Variants in EGFR observed in about 807,000 individuals in gnomAD.
The protein encoded by EGFR is avian erythroblastic leukemia viral (v-erb-b) oncogene homolog.
EGFR carries 58 observed loss-of-function variants against 143.0 expected under a neutral mutation model. That is an observed-to-expected ratio of 0.41 (90% CI 0.33 to 0.50). The LOEUF (loss-of-function observed/expected upper bound fraction) is 0.50. Ranked by LOEUF, EGFR falls within the 20% of genes least tolerant of loss-of-function variation. The pLI, the probability that EGFR is intolerant of heterozygous loss-of-function variation, is 0.39. For missense variants in EGFR, 1,307 were observed against 1,579.0 expected, an observed-to-expected ratio of 0.83 and a Z score of 2.92; for synonymous variants, 613 against 594.4, an observed-to-expected ratio of 1.03 and a Z score of -0.45.
At chr7:55,023,895 G>A (rs1786729354) in intron 1 of EGFR, among the ~76,000 whole-genome samples, 1 of 152,092 alleles carries the variant, frequency 6.6e-6, no homozygotes, top group African/African-American at 2.4e-5. Flanking sequence ...TCCTCCTACA[G>A]GAATGAATTT....
intron 1 of EGFR, among the ~76,000 whole-genome samples, chr7:55,140,496 CAT>C (rs1794399700): frequency 6.6e-6 from 1 of 152,194 alleles, no homozygotes; most frequent in Non-Finnish European, 1.5e-5. Flanking sequence ...CGAAAGGCCA[CAT>C]GTTATTGTCA....
At chr7:55,187,875 A>G (rs1408111078) in intron 20 of EGFR, among the ~76,000 whole-genome samples, 1 of 152,082 alleles carries the variant, frequency 6.6e-6, no homozygotes, top group African/African-American at 2.4e-5. Flanking sequence ...GAACACCATC[A>G]TTTGTACAGG....
chr7:55,188,642 T>C (rs1383371291), intron 20 of EGFR, among the ~76,000 whole-genome samples: 1 of 152,212 alleles, frequency 6.6e-6, no homozygotes, highest in Non-Finnish European at 1.5e-5. Context: ...TATTTCTTCC[T>C]GCGACCTCTG....
intron 1 of EGFR, among the ~76,000 whole-genome samples, chr7:55,026,638 C>T (rs57620875): frequency 0.028 from 4,212 of 152,204 alleles, 102 homozygotes; most frequent in African/African-American, 0.062. Flanking sequence ...TCGGGATAAC[C>T]TCTCTCTGGC....
intron 12 of EGFR, among the ~76,000 whole-genome samples, chr7:55,160,920 T>G (rs1256773297): frequency 6.6e-6 from 1 of 152,210 alleles, no homozygotes; most frequent in Non-Finnish European, 1.5e-5. Context: ...GCCGTAGTGC[T>G]TTGAGAGAAT....
At chr7:55,102,968 C>G (rs112086504) in intron 1 of EGFR, among the ~76,000 whole-genome samples, 6 of 152,178 alleles carry the variant, frequency 3.9e-5, no homozygotes, top group Non-Finnish European at 8.8e-5. Context: ...AAGAAGGCCA[C>G]GTGCTTTGAC....
At chr7:55,103,385 A>G (rs1791933457) in intron 1 of EGFR, among the ~76,000 whole-genome samples, 3 of 152,254 alleles carry the variant, frequency 2.0e-5, no homozygotes, top group African/African-American at 4.8e-5. Flanking sequence ...GTCTCATTGC[A>G]GAAGTGCATA....
chr7:55,069,338 C>T (rs958993339), intron 1 of EGFR, among the ~76,000 whole-genome samples: 1 of 152,160 alleles, frequency 6.6e-6, no homozygotes, highest in African/African-American at 2.4e-5. Context: ...TACTTTTTAG[C>T]TCGTGTGGTG....
intron 1 of EGFR, among the ~76,000 whole-genome samples, chr7:55,107,738 TA>T (rs1417413769): frequency 2.6e-5 from 4 of 152,250 alleles, no homozygotes; most frequent in Non-Finnish European, 5.9e-5. Context: ...ATTGGAAGAT[TA>T]TTTTTTGCAC....
chr7:55,026,298 C>A (rs547330425), intron 1 of EGFR, among the ~76,000 whole-genome samples: 23 of 152,278 alleles, frequency 1.5e-4, no homozygotes, highest in African/African-American at 5.3e-4. Context: ...AAATCAGTTC[C>A]AGAGTCACAT....
chr7:55,199,037 C>A (rs1039142821), intron 23 of EGFR, among the ~76,000 whole-genome samples, 174 bp downstream of exon 23: 6 of 152,230 alleles, frequency 3.9e-5, no homozygotes, highest in Non-Finnish European at 5.9e-5. Flanking sequence ...AAAGACACTT[C>A]TTGACTCATT....
intron 1 of EGFR, among the ~76,000 whole-genome samples, chr7:55,063,328 G>C (rs1489365136): frequency 6.6e-6 from 1 of 151,996 alleles, no homozygotes; most frequent in Non-Finnish European, 1.5e-5. Context: ...AAGTCATTTA[G>C]GTTCAGGCTC....
At chr7:55,182,667 C>T (rs942929867) in intron 20 of EGFR, among the ~76,000 whole-genome samples, 1 of 152,168 alleles carries the variant, frequency 6.6e-6, no homozygotes, top group Non-Finnish European at 1.5e-5. Flanking sequence ...CCCTGCACAG[C>T]CCCTTTTACT....
At chr7:55,187,585 T>C (rs1023552272) in intron 20 of EGFR, among the ~76,000 whole-genome samples, 2 of 152,228 alleles carry the variant, frequency 1.3e-5, no homozygotes, top group Admixed American at 1.3e-4. Context: ...TTCCGAGGTC[T>C]AGCACTTACT....
At position 55,143,383 on chromosome 7, in the gene EGFR, A is replaced by C; in HGVS notation, c.319A>C (p.Ile107Leu). 6.2e-7 allele frequency: 1 copy of C among 1,614,222 alleles called. No homozygotes were observed. Among genetic ancestry groups the C allele is most frequent in the Non-Finnish European group, 8.5e-7 (1 of 1,180,046 alleles). Residue 107 changes from isoleucine (I) to leucine (L), a missense_variant, in exon 3 of 28, where the codon ATC (isoleucine) becomes CTC (leucine). Ile to Leu is a conservative substitution (Grantham distance 5, BLOSUM62 2). Around this residue, in one of 7 missense-constraint regions of EGFR, gnomAD observed 311 missense variants for 412.3 expected, o/e 0.75. Coordinates refer to ENST00000275493, the MANE Select transcript of EGFR (RefSeq NM_005228.5). ...AATTCCTTTGGAAAACCTGCAGATCATCAGAGGAAATATGTACTACGAAAA... is the reference window on the plus strand; with the variant it reads ...AATTCCTTTGGAAAACCTGCAGATCCTCAGAGGAAATATGTACTACGAAAA... ...ERIPLENLQI[I>L]RGNMYYENSY...
chr7:55,119,255 A>T (rs546444165), intron 1 of EGFR: 2 of 152,272 alleles, frequency 1.3e-5, no homozygotes, highest in African/African-American at 4.8e-5. Context: ...TGACCTACAA[A>T]CCCTTTTCCC....
chr7:55,153,749 G>A (rs1477547241), intron 6 of EGFR, among the ~76,000 whole-genome samples: 1 of 152,144 alleles, frequency 6.6e-6, no homozygotes, highest in Non-Finnish European at 1.5e-5. Context: ...CTATACGTTA[G>A]TAAACAGACG....
At chr7:55,142,244 C>A (rs2128926035) in intron 1 of EGFR, 42 bp from the exon 2 acceptor site, 1 of 1,612,910 alleles carries the variant, frequency 6.2e-7, no homozygotes, top group Non-Finnish European at 8.5e-7. Flanking sequence ...AGTTTTTCTG[C>A]ATTTCTCAGT....
chr7:55,118,884 A>T (rs1349557194), intron 1 of EGFR, among the ~76,000 whole-genome samples: 1 of 151,732 alleles, frequency 6.6e-6, no homozygotes, highest in Non-Finnish European at 1.5e-5. Context: ...AAAATTGGTT[A>T]TTTTACTTAA....
Sources: allele counts gnomAD v4.1 joint callset (sites outside exome capture counted in the v4.1 genomes callset), GRCh38; gene constraint gnomAD v4.1.1; regional missense constraint gnomAD v4.1.1; transcripts MANE v1.5; gene names NCBI Gene and HGNC (gene_info 2026-07-23, HGNC 2026-07-21).